KSR2: variants seen among roughly 807,000 people sequenced by gnomAD.
The protein encoded by KSR2 is kinase suppressor of ras 2.
Under a neutral mutation model 107.8 loss-of-function variants are expected in KSR2, and 25 were observed. The observed-to-expected ratio is 0.23, with a 90% CI of 0.17 to 0.32. KSR2 has a LOEUF of 0.32. Among genes scored for constraint, KSR2 ranks in the 10% least tolerant of loss-of-function variants. The probability of loss-of-function intolerance (pLI) is 1.00; values close to 1 mark genes in which losing one functional copy is unlikely to be tolerated. For synonymous variants in KSR2, 480 were observed against 507.0 expected, an observed-to-expected ratio of 0.95 and a Z score of 0.71; for missense variants, 887 against 1,268.9, an observed-to-expected ratio of 0.70 and a Z score of 4.57.
chr12:117,781,604 T>A (rs562512842), intron 3 of KSR2, among the ~76,000 whole-genome samples: 2 of 152,328 alleles, frequency 1.3e-5, no homozygotes, highest in Admixed American at 6.5e-5. Flanking sequence ...AGTTGTAAAC[T>A]TGTCTGTGTC....
chr12:117,932,058 G>A (rs554067942), intron 1 of KSR2, among the ~76,000 whole-genome samples: 22 of 152,208 alleles, frequency 1.4e-4, no homozygotes, highest in Admixed American at 9.2e-4. Context: ...AGGCTAAGGC[G>A]GGTGGATCGC....
intron 1 of KSR2, among the ~76,000 whole-genome samples, chr12:117,952,984 C>CAAAA (rs33941668): frequency 6.9e-5 from 7 of 100,774 alleles, no homozygotes; most frequent in Admixed American, 2.3e-4. Context: ...GACTCCATCT[C>CAAAA]AAAAAAAAAA....
At chr12:117,920,380 C>A (rs1276050957) in intron 1 of KSR2, among the ~76,000 whole-genome samples, 2 of 148,926 alleles carry the variant, frequency 1.3e-5, no homozygotes, top group Non-Finnish European at 3.0e-5. Context: ...GATTACAGGG[C>A]TGAACCACTG....
At chr12:117,704,781 C>T (rs570583116) in intron 4 of KSR2, among the ~76,000 whole-genome samples, 33 of 152,046 alleles carry the variant, frequency 2.2e-4, no homozygotes, top group African/African-American at 7.7e-4. Flanking sequence ...ATCACTTGAA[C>T]CCAGGAGGTG....
intron 1 of KSR2, among the ~76,000 whole-genome samples, chr12:117,903,101 C>T (rs550213003): frequency 1.3e-5 from 2 of 152,350 alleles, no homozygotes; most frequent in South Asian, 2.1e-4. Flanking sequence ...GATTTCCATA[C>T]TGAAGGCATA....
chr12:117,655,747 A>G (rs1217964844), intron 5 of KSR2, among the ~76,000 whole-genome samples: 1 of 152,220 alleles, frequency 6.6e-6, no homozygotes, highest in Non-Finnish European at 1.5e-5. Context: ...CTTTAAGTCA[A>G]CAGGCTAAGA....
At chr12:117,727,533 G>A (rs536363948) in intron 4 of KSR2, among the ~76,000 whole-genome samples, 42 of 151,976 alleles carry the variant, frequency 2.8e-4, no homozygotes, top group Middle Eastern at 3.2e-3. Context: ...GAGGAAAGGA[G>A]GAAGAGGAGG....
intron 4 of KSR2, among the ~76,000 whole-genome samples, chr12:117,724,312 CAAAAAAA>C (rs57095721): frequency 5.4e-5 from 6 of 111,936 alleles, no homozygotes; most frequent in African/African-American, 2.0e-4. Context: ...CACCCTGTCT[CAAAAAAA>C]AAAAAAAAAA....
intron 14 of KSR2, among the ~76,000 whole-genome samples, chr12:117,503,891 T>A (rs1873525975): frequency 6.6e-6 from 1 of 152,132 alleles, no homozygotes. Flanking sequence ...ATAATAAACA[T>A]CACTATTTTG....
intron 3 of KSR2, among the ~76,000 whole-genome samples, chr12:117,784,331 C>T (rs926908789): frequency 5.9e-5 from 9 of 152,210 alleles, no homozygotes; most frequent in Non-Finnish European, 1.0e-4. Flanking sequence ...AGTTCCCCTG[C>T]ACAAGCTCTC....
intron 1 of KSR2, among the ~76,000 whole-genome samples, chr12:117,884,819 A>T (rs973582326): frequency 3.9e-5 from 6 of 152,000 alleles, no homozygotes; most frequent in African/African-American, 1.5e-4. Flanking sequence ...AGGCACTAGA[A>T]TTCACCAGCC....
chr12:117,921,743 T>C (rs1257557280), intron 1 of KSR2, among the ~76,000 whole-genome samples: 1 of 152,152 alleles, frequency 6.6e-6, no homozygotes. Context: ...TAATACACGC[T>C]CATTAAATGA....
intron 1 of KSR2, among the ~76,000 whole-genome samples, chr12:117,963,172 G>A (rs144265622): frequency 0.014 from 2,008 of 146,570 alleles, 42 homozygotes; most frequent in African/African-American, 0.049. Context: ...CCTGAGCAAC[G>A]GAGCGAGACC....
At chr12:117,793,962 A>T (rs1404015964) in intron 3 of KSR2, among the ~76,000 whole-genome samples, 6 of 139,770 alleles carry the variant, frequency 4.3e-5, no homozygotes. Flanking sequence ...CGCACACACC[A>T]ACATGCACAC....
chr12:117,960,098 C>T lies in KSR2; in HGVS notation c.180+7978G>A, dbSNP rs986174669. 3.9e-5 allele frequency among the ~76,000 whole-genome samples: 6 copies of T among 152,116 alleles called. No homozygotes were observed. In the South Asian group the frequency reaches 1.0e-3, roughly 26 times the overall value. On this transcript the variant is annotated intron_variant, in intron 1 of 19. Transcript: ENST00000339824. ...TCCAATAACATGCCAAGCATGTTCC[C>T]ATCCAAGAAGTTTGCATCTGCTGTT...
In KSR2 at chr12:117,777,088, T is replaced by TTATATA. The variant is rs1288633301; in HGVS notation, c.473-15570_473-15565dup. Among the ~76,000 whole-genome samples the TTATATA allele has an allele frequency of 1.6e-3, 216 of 132,530 alleles. 1 individual carries two copies. Among genetic ancestry groups the TTATATA allele is most frequent in the African/African-American group, 5.9e-3 (189 of 32,196 alleles). 86.9% of individuals were successfully genotyped at this position (132,530 alleles called of 152,430 possible). A position where few individuals can be genotyped will look rare whatever the true frequency, so the allele number is the denominator to read the frequency against. On this transcript the variant is annotated intron_variant, in intron 3 of 19. Coordinates refer to ENST00000339824, the MANE Select transcript of KSR2 (RefSeq NM_173598.6). ...AGACACTGTATTTAATATATATATT[T>TTATATA]TATATATATATATATATATACACAC...
chr12:117,849,432 T>C (rs554241804), intron 3 of KSR2, among the ~76,000 whole-genome samples: 2 of 152,306 alleles, frequency 1.3e-5, no homozygotes, highest in South Asian at 4.1e-4. Context: ...AATGGTTTTT[T>C]GGTTTCAGGA....
At chr12:117,866,458 A>G (rs181143311) in intron 1 of KSR2, among the ~76,000 whole-genome samples, 62 of 152,342 alleles carry the variant, frequency 4.1e-4, no homozygotes, top group Admixed American at 3.1e-3. Flanking sequence ...ATTGCCTTCC[A>G]TTTATGCCAA....
At chr12:117,475,853 A>G (rs569917837) in intron 17 of KSR2, among the ~76,000 whole-genome samples, 1 of 152,338 alleles carries the variant, frequency 6.6e-6, no homozygotes, top group South Asian at 2.1e-4. Flanking sequence ...TGAGGCTTGT[A>G]GCCACCATGT....
Sources: allele counts gnomAD v4.1 joint callset (sites outside exome capture counted in the v4.1 genomes callset), GRCh38; gene constraint gnomAD v4.1.1; transcripts MANE v1.5; gene names NCBI Gene and HGNC (gene_info 2026-07-23, HGNC 2026-07-21).